Variants in GPR26 observed in about 807,000 individuals in gnomAD.
GPR26 encodes G protein-coupled receptor 26.
GPR26 carries 15 observed loss-of-function variants against 23.1 expected under a neutral mutation model. The ratio of observed to expected loss-of-function variants is 0.65; its 90% CI spans 0.43 to 1.00. GPR26 has a LOEUF of 1.00. GPR26 is among the 50% of genes least tolerant of loss of function. The probability of loss-of-function intolerance (pLI) is 0.00; values close to 1 mark genes in which losing one functional copy is unlikely to be tolerated. For missense variants in GPR26, 359 were observed against 470.5 expected (o/e 0.76, Z 2.19); for synonymous variants, 228 against 222.1 (o/e 1.03, Z -0.24).
intron 2 of GPR26, among the ~76,000 whole-genome samples, chr10:123,685,798 T>A (rs1845426046): frequency 6.6e-6 from 1 of 152,242 alleles, no homozygotes; most frequent in African/African-American, 2.4e-5. Flanking sequence ...TAGATGGAGC[T>A]GGGCTTCCCA....
intron 2 of GPR26, among the ~76,000 whole-genome samples, chr10:123,681,343 G>A (rs765942309): frequency 6.6e-6 from 1 of 152,170 alleles, no homozygotes; most frequent in Non-Finnish European, 1.5e-5. Context: ...GGGGAGACAC[G>A]TTGAGGCACA....
intron 2 of GPR26, among the ~76,000 whole-genome samples, chr10:123,676,387 T>C (rs1845311089): frequency 6.6e-6 from 1 of 152,170 alleles, no homozygotes; most frequent in Non-Finnish European, 1.5e-5. Context: ...CGACATTCTA[T>C]GCCAGATACT....
rs1230497599 is a variant in GPR26 at position 123,689,320 on chromosome 10, A to G, written c.*1160A>G. ...AGGCTAGAGTGCAATGGTGCGATCT[A>G]GGCTCACCACAACCTCTGCCTTCCA... is the stretch of plus-strand genomic sequence containing the variant. On this transcript the variant is annotated 3_prime_UTR_variant, in exon 3 of 3. Coordinates refer to ENST00000284674, the MANE Select transcript of GPR26 (RefSeq NM_153442.4). The G allele has an allele frequency of 1.3e-5, 2 of 151,630 alleles. No individual in the cohort carries two copies. The highest frequency in any genetic ancestry group is 2.9e-5 in the Non-Finnish European group (2 of 68,000). 9.4% of individuals were successfully genotyped at this position (151,630 alleles called of 1,614,324 possible).
Position 123,667,049 on chromosome 10 carries a change from G to C in GPR26, c.642G>C (p.Leu214=), listed in dbSNP as rs4980313. The C allele has an allele frequency of 1, 1,600,777 of 1,600,908 alleles. 800,323 individuals are homozygous for C. Among genetic ancestry groups the C allele is most frequent in the Middle Eastern group, 1 (6,030 of 6,030 alleles). Residue 214 remains leucine, a synonymous_variant, in exon 1 of 3, where the codon CTG becomes CTC. Transcript: ENST00000284674. ...TCGACGTGATCACCATGCAGACGCT[G>C]GTGCTGCTGGTGGACCTGCACCCCA... The part of the protein sequence containing the change: ...KRIDVITMQT[L]VLLVDLHPSV...
At chr10:123,671,319 C>G (rs910819896) in intron 1 of GPR26, among the ~76,000 whole-genome samples, 13 of 152,336 alleles carry the variant, frequency 8.5e-5, no homozygotes, top group African/African-American at 2.4e-4. Context: ...TCTTCCACCC[C>G]ACATGTCATA....
rs961757609 is a variant in GPR26 at position 123,695,846 on chromosome 10, A to G, written c.*7686A>G. ...TCAACACTCCTGTTTTACAACAAACATGTAAATACAACCTCTTTTGGAGTG... is the reference window on the plus strand; with the variant it reads ...TCAACACTCCTGTTTTACAACAAACGTGTAAATACAACCTCTTTTGGAGTG... On this transcript the variant is annotated 3_prime_UTR_variant, in exon 3 of 3. Transcript: ENST00000284674. 6.6e-6 allele frequency among the ~76,000 whole-genome samples: 1 copy of G among 152,256 alleles called. No homozygotes were observed. The highest frequency in any genetic ancestry group is 1.5e-5 in the Non-Finnish European group (1 of 68,050).
intron 2 of GPR26, among the ~76,000 whole-genome samples, chr10:123,675,939 G>A (rs1221219382): frequency 6.6e-6 from 1 of 151,846 alleles, no homozygotes; most frequent in Non-Finnish European, 1.5e-5. Flanking sequence ...ACCAGGAGGG[G>A]CACCCCTGCC....
Position 123,694,818 on chromosome 10 carries a change from C to T in GPR26, c.*6658C>T, listed in dbSNP as rs541960244. Among the ~76,000 whole-genome samples the T allele has an allele frequency of 6.6e-6, 1 of 152,152 alleles. No individual in the cohort carries two copies. The highest frequency in any genetic ancestry group is 1.9e-4 in the East Asian group (1 of 5,162). ...AGGAGGAAGGAAAATGAATCTCATT[C>T]ATTTTGAGGGGCATCTTCATTACAC... On this transcript the variant is annotated 3_prime_UTR_variant, in exon 3 of 3. Transcript: ENST00000284674.
At chr10:123,681,025 G>T (rs193249785) in intron 2 of GPR26, among the ~76,000 whole-genome samples, 5 of 152,114 alleles carry the variant, frequency 3.3e-5, no homozygotes, top group Admixed American at 3.3e-4. Flanking sequence ...TTTTAGTAGA[G>T]ATGGGGTTTC....
Position 123,690,103 on chromosome 10 carries a change from C to T in GPR26, c.*1943C>T, listed in dbSNP as rs1403276278. The T allele has an allele frequency of 6.6e-6, 1 of 152,168 alleles. No individual in the cohort carries two copies. The highest frequency in any genetic ancestry group is 1.5e-5 in the Non-Finnish European group (1 of 68,040). The allele number at this position is 152,168 out of a possible 1,614,324, so 9.4% of individuals were successfully genotyped here. A position where few individuals can be genotyped will look rare whatever the true frequency, so the allele number is the denominator to read the frequency against. ...CTGCCAGACATGACTGTGTGTGTCC[C>T]TGAAACAAAATTGCTCTGGCTCAGA... is the stretch of plus-strand genomic sequence containing the variant. On this transcript the variant is annotated 3_prime_UTR_variant, in exon 3 of 3. Transcript: ENST00000284674.
In GPR26 at chr10:123,691,412, T is replaced by C. The variant is rs1360904513; in HGVS notation, c.*3252T>C. On this transcript the variant is annotated 3_prime_UTR_variant, in exon 3 of 3. Coordinates refer to ENST00000284674, the MANE Select transcript of GPR26 (RefSeq NM_153442.4). ...TATGTCTGTGAAATTCGTTTTCTTT[T>C]TCATGGTGCCTTTCTTTCTAAGAAA... The C allele has an allele frequency of 1.3e-5, 2 of 152,192 alleles. No individual in the cohort carries two copies. Among genetic ancestry groups the C allele is most frequent in the African/African-American group, 4.8e-5 (2 of 41,432 alleles). The allele number at this position is 152,192 out of a possible 1,614,324, so 9.4% of individuals were successfully genotyped here.
In GPR26 at chr10:123,688,533, G is replaced by A. The variant is rs74161052; in HGVS notation, c.*373G>A. 3,284 of 262,414 alleles carry A rather than the reference G, an allele frequency of 0.013. 111 individuals are homozygous for A. Among genetic ancestry groups the A allele is most frequent in the African/African-American group, 0.068 (3,082 of 45,372 alleles). The allele number at this position is 262,414 out of a possible 1,614,324, so 16.3% of individuals were successfully genotyped here. A position where few individuals can be genotyped will look rare whatever the true frequency, so the allele number is the denominator to read the frequency against. The stretch of plus-strand genomic sequence containing the variant: ...TCCACCTGCCTGCTGACCACTGGAC[G>A]CTGCTCCATGCTGAAGAAAAGTGAC... On this transcript the variant is annotated 3_prime_UTR_variant, in exon 3 of 3. Coordinates refer to ENST00000284674, the MANE Select transcript of GPR26 (RefSeq NM_153442.4).
rs565424620 is a variant in GPR26, at chr10:123,697,174, G to A, written c.*9014G>A. ...GTATTACCAGAAGCCCTCCCAATAC[G>A]GCAATATTACCTTCTGTGTAATCCA... On this transcript the variant is annotated 3_prime_UTR_variant, in exon 3 of 3. Transcript: ENST00000284674. 3.3e-5 allele frequency among the ~76,000 whole-genome samples: 5 copies of A among 152,152 alleles called. No homozygotes were observed. Among genetic ancestry groups the A allele is most frequent in the South Asian group, 4.2e-4 (2 of 4,818 alleles).
In GPR26 at chr10:123,687,212, C is replaced by T. The variant is rs114037961; in HGVS notation, c.783-717C>T. Reference sequence around the variant, plus strand: ...GCTATTGTCAAAGACCACCAGGATCCGAACCCAGGGAAGAGGCCTTCCTTG... The same window carrying T: ...GCTATTGTCAAAGACCACCAGGATCTGAACCCAGGGAAGAGGCCTTCCTTG... On this transcript the variant is annotated intron_variant, in intron 2 of 2. Coordinates refer to ENST00000284674, the MANE Select transcript of GPR26 (RefSeq NM_153442.4). 8.8e-3 allele frequency among the ~76,000 whole-genome samples: 1,346 copies of T among 152,204 alleles called. 21 individuals are homozygous for T. Among genetic ancestry groups the T allele is most frequent in the African/African-American group, 0.03 (1,264 of 41,504 alleles).
intron 2 of GPR26, among the ~76,000 whole-genome samples, chr10:123,678,380 C>G (rs1238378320): frequency 6.6e-6 from 1 of 152,102 alleles, no homozygotes; most frequent in African/African-American, 2.4e-5. Context: ...AGAGGATGCT[C>G]AGAACTTCCT....
At chr10:123,670,537 A>G (rs1845237678) in intron 1 of GPR26, among the ~76,000 whole-genome samples, 1 of 152,178 alleles carries the variant, frequency 6.6e-6, no homozygotes, top group Non-Finnish European at 1.5e-5. Flanking sequence ...CTTTATAATG[A>G]CCGGCAAGGC....
At position 123,690,169 on chromosome 10, in the gene GPR26, G is replaced by T. The variant is rs968242187; in HGVS notation, c.*2009G>T. 1 of 152,080 alleles carries T rather than the reference G, an allele frequency of 6.6e-6. No individual in the cohort carries two copies. The highest frequency in any genetic ancestry group is 1.5e-5 in the Non-Finnish European group (1 of 68,036). The allele number at this position is 152,080 out of a possible 1,614,324, so 9.4% of individuals were successfully genotyped here. A position where few individuals can be genotyped will look rare whatever the true frequency, so the allele number is the denominator to read the frequency against. ...CATATTACAATAGCAACAGACATTTGCTTCCTGGTGGCAAGTAACTGTGCA... is the reference window on the plus strand; with the variant it reads ...CATATTACAATAGCAACAGACATTTTCTTCCTGGTGGCAAGTAACTGTGCA... On this transcript the variant is annotated 3_prime_UTR_variant, in exon 3 of 3. Transcript: ENST00000284674.
rs1205323937 is a variant in GPR26 at position 123,696,859 on chromosome 10, G to A, written c.*8699G>A. 6.9e-6 allele frequency among the ~76,000 whole-genome samples: 1 copy of A among 144,690 alleles called. No homozygotes were observed. The highest frequency in any genetic ancestry group is 1.5e-5 in the Non-Finnish European group (1 of 67,952). 94.9% of individuals were successfully genotyped at this position (144,690 alleles called of 152,430 possible). A position where few individuals can be genotyped will look rare whatever the true frequency, so the allele number is the denominator to read the frequency against. The stretch of plus-strand genomic sequence containing the variant: ...TGTGCCCATGAGCATATGCATATGG[G>A]TGAATGTTTGTGTGCCCATGAGTAT... On this transcript the variant is annotated 3_prime_UTR_variant, in exon 3 of 3. Transcript: ENST00000284674.
rs972721858 is a variant in GPR26 at position 123,678,057 on chromosome 10, C to A, written c.782+3126C>A. Among the ~76,000 whole-genome samples the A allele has an allele frequency of 3.9e-5, 6 of 152,202 alleles. No individual in the cohort carries two copies. The South Asian group carries it at 1.2e-3, about 32-fold the overall frequency. ...GCCAGGGGTTTGAGACCAGTCAGGG[C>A]AACATAGTGAGACCTCTTTCTCTGA... On this transcript the variant is annotated intron_variant, in intron 2 of 2. Transcript: ENST00000284674.
Sources: gnomAD v4.1 joint callset for allele counts (sites outside exome capture counted in the v4.1 genomes callset) on GRCh38, gnomAD v4.1.1 for gene constraint, MANE v1.5 for transcripts, NCBI Gene and HGNC (gene_info 2026-07-23, HGNC 2026-07-21) for gene names.